Variants in KIAA1217 observed in about 807,000 individuals in gnomAD.
The protein encoded by KIAA1217 is sickle tail protein homolog.
In KIAA1217, 88 loss-of-function variants were observed where a neutral mutation model predicts 163.9. The observed-to-expected ratio is 0.54, with a 90% CI of 0.45 to 0.64. The LOEUF (loss-of-function observed/expected upper bound fraction) is 0.64. KIAA1217 is among the 30% of genes least tolerant of loss of function. KIAA1217 has a pLI of 0.00. For missense variants in KIAA1217, 2,372 were observed against 2,475.0 expected (o/e 0.96, Z 0.88); for synonymous variants, 903 against 923.1 (o/e 0.98, Z 0.39).
At chr10:23,810,631 T>C (rs1836969029) in intron 1 of KIAA1217, among the ~76,000 whole-genome samples, 1 of 129,944 alleles carries the variant, frequency 7.7e-6, no homozygotes, top group Non-Finnish European at 1.5e-5. Flanking sequence ...GTGTCTTATA[T>C]ATAATAAATA....
At chr10:24,341,309 C>T (rs889023997) in intron 2 of KIAA1217, among the ~76,000 whole-genome samples, 1 of 151,980 alleles carries the variant, frequency 6.6e-6, no homozygotes, top group Non-Finnish European at 1.5e-5. Context: ...GTGATTAAAT[C>T]CTTCATTGGG....
chr10:24,175,806 G>A (rs1042024879), intron 2 of KIAA1217, among the ~76,000 whole-genome samples: 2 of 152,126 alleles, frequency 1.3e-5, no homozygotes, highest in Non-Finnish European at 2.9e-5. Context: ...TGCATCTGGA[G>A]TTGTTCGTTC....
At chr10:24,335,226 C>T (rs1378247105) in intron 2 of KIAA1217, among the ~76,000 whole-genome samples, 2 of 151,966 alleles carry the variant, frequency 1.3e-5, no homozygotes, top group African/African-American at 4.8e-5. Context: ...AGAGAAACTA[C>T]ACTAGTGGTT....
At chr10:24,211,367 T>C (rs1487880607) in intron 1 of KIAA1217, among the ~76,000 whole-genome samples, 2 of 136,856 alleles carry the variant, frequency 1.5e-5, no homozygotes, top group Admixed American at 7.2e-5. Context: ...ACTACTTTTT[T>C]TTTTTTTTTT....
At chr10:24,097,610 A>C (rs886292570) in intron 2 of KIAA1217, among the ~76,000 whole-genome samples, 2 of 152,156 alleles carry the variant, frequency 1.3e-5, no homozygotes, top group Non-Finnish European at 2.9e-5. Context: ...AAATTTTTTA[A>C]ATAGTAAGAA....
At chr10:23,810,315 G>A (rs958023011) in intron 1 of KIAA1217, among the ~76,000 whole-genome samples, 2 of 145,396 alleles carry the variant, frequency 1.4e-5, no homozygotes, top group Non-Finnish European at 3.0e-5. Flanking sequence ...TATATGTGTA[G>A]ATATCTATAT....
At chr10:23,745,624 G>A (rs1052559154) in intron 1 of KIAA1217, among the ~76,000 whole-genome samples, 1 of 152,200 alleles carries the variant, frequency 6.6e-6, no homozygotes, top group African/African-American at 2.4e-5. Flanking sequence ...CATTGAAAGG[G>A]AAAGAGAAAT....
chr10:24,525,347 C>T (rs980531681), intron 13 of KIAA1217, among the ~76,000 whole-genome samples: 5 of 151,870 alleles, frequency 3.3e-5, no homozygotes, highest in Admixed American at 2.0e-4. Context: ...TGAGGGCATC[C>T]TAGGATACTA....
At chr10:24,047,777 AG>A (rs1849147701) in intron 2 of KIAA1217, among the ~76,000 whole-genome samples, 1 of 152,196 alleles carries the variant, frequency 6.6e-6, no homozygotes, top group South Asian at 2.1e-4. Flanking sequence ...GAGAACAAAA[AG>A]TGTGTCCTCT....
Position 23,851,376 on chromosome 10 carries a change from T to A in KIAA1217, c.-320-155849T>A, listed in dbSNP as rs1263219351. Among the ~76,000 whole-genome samples, 3 of 152,230 alleles carry A rather than the reference T, an allele frequency of 2.0e-5. No homozygotes were observed. In the East Asian group the frequency reaches 5.8e-4, roughly 29 times the overall value. On this transcript the variant is annotated intron_variant, in intron 1 of 18. Coordinates refer to the KIAA1217 transcript ENST00000376462. ...TTTATGGCTGCATAGTATTCCATGA[T>A]GTATATGTGCCACATTTTCTTAATC... is the stretch of plus-strand genomic sequence containing the variant.
chr10:23,696,047 G>A (rs1296395193), intron 1 of KIAA1217, among the ~76,000 whole-genome samples: 2 of 152,250 alleles, frequency 1.3e-5, no homozygotes, highest in East Asian at 1.9e-4. Context: ...TCGAGGGCGG[G>A]CGAGACCCTG....
rs778207848 is a variant in KIAA1217, at chr10:24,473,408, A to C, written c.1027A>C (p.Asn343His). 2 of 1,613,768 alleles carry C rather than the reference A, an allele frequency of 1.2e-6. No individual in the cohort carries two copies. The highest frequency in any genetic ancestry group is 1.7e-5 in the Admixed American group (1 of 59,980). Residue 343 changes from asparagine (N) to histidine (H), a missense_variant, in exon 6 of 21, where the codon AAT becomes CAT. Asn to His is a moderately conservative substitution (Grantham distance 68, BLOSUM62 1). This residue lies in a region of KIAA1217 where 1,431 missense variants were observed against 1,470.3 expected (regional missense o/e 0.97). Transcript: ENST00000376454. ...GGTRSMVVPG[N>H]ATIPRDRISS... Reference sequence around the variant, plus strand: ...CACCCGCTCCATGGTTGTTCCTGGCAATGCCACCATCCCCAGGGACAGAAT... The same window carrying C: ...CACCCGCTCCATGGTTGTTCCTGGCCATGCCACCATCCCCAGGGACAGAAT...
chr10:23,739,022 G>C (rs888365417), intron 1 of KIAA1217, among the ~76,000 whole-genome samples: 2 of 152,106 alleles, frequency 1.3e-5, no homozygotes, highest in Admixed American at 1.3e-4. Context: ...AGAATGATTG[G>C]ATAAAGAAAA....
intron 2 of KIAA1217, among the ~76,000 whole-genome samples, chr10:24,249,732 G>A (rs968780164): frequency 6.6e-6 from 1 of 152,066 alleles, no homozygotes; most frequent in African/African-American, 2.4e-5. Flanking sequence ...TTCAAATATA[G>A]TTCTCCCAAA....
chr10:24,440,302 T>C (rs183959924), intron 5 of KIAA1217, among the ~76,000 whole-genome samples: 4 of 152,346 alleles, frequency 2.6e-5, no homozygotes, highest in African/African-American at 9.6e-5. Context: ...ACCATTTGCC[T>C]TTTATTACTC....
At position 24,524,370 on chromosome 10, in the gene KIAA1217, C is replaced by G. The variant is rs1369999319; in HGVS notation, c.2504C>G (p.Ala835Gly). ...LLKGTDAAQAAQYMAMEKATA... is the reference protein window; with the variant it reads ...LLKGTDAAQAGQYMAMEKATA... Reference sequence around the variant, plus strand: ...AAAGGCACGGACGCAGCCCAAGCCGCACAGTACATGGCTATGGAAAAGGCC... The same window carrying G: ...AAAGGCACGGACGCAGCCCAAGCCGGACAGTACATGGCTATGGAAAAGGCC... Residue 835 changes from alanine (A) to glycine (G), a missense_variant, in exon 13 of 21, where the codon GCA (alanine) becomes GGA (glycine). Transcript: ENST00000376454. 6.2e-7 allele frequency: 1 copy of G among 1,614,100 alleles called. No homozygotes were observed. The highest frequency in any genetic ancestry group is 8.5e-7 in the Non-Finnish European group (1 of 1,179,968).
chr10:24,365,827 T>TC (rs2050709447), intron 2 of KIAA1217, among the ~76,000 whole-genome samples: 1 of 152,200 alleles, frequency 6.6e-6, no homozygotes, highest in African/African-American at 2.4e-5. Flanking sequence ...CAAGTGTTCT[T>TC]TTTCTTCTAG....
intron 1 of KIAA1217, among the ~76,000 whole-genome samples, chr10:23,821,154 A>G (rs2131012875): frequency 6.6e-6 from 1 of 151,176 alleles, no homozygotes; most frequent in Non-Finnish European, 1.5e-5. Context: ...AGTGAAGAGA[A>G]AGTAAATAGG....
chr10:24,237,112 T>C (rs994370754), intron 2 of KIAA1217, among the ~76,000 whole-genome samples: 2 of 152,236 alleles, frequency 1.3e-5, no homozygotes, highest in Non-Finnish European at 2.9e-5. Flanking sequence ...ATTAGTATGA[T>C]GCTAAGGTTG....
Sources: gnomAD v4.1 joint callset for allele counts (sites outside exome capture counted in the v4.1 genomes callset) on GRCh38, gnomAD v4.1.1 for gene constraint, gnomAD v4.1.1 regional missense constraint, MANE v1.5 for transcripts, NCBI Gene and HGNC (gene_info 2026-07-23, HGNC 2026-07-21) for gene names.